Variants in BMPR1B observed in about 807,000 individuals in gnomAD.
The protein encoded by BMPR1B is bone morphogenetic protein receptor type 1B.
Under a neutral mutation model 59.1 loss-of-function variants are expected in BMPR1B, and 12 were observed. The observed-to-expected ratio is 0.20, with a 90% CI of 0.13 to 0.33. The LOEUF is 0.33. Among genes scored for constraint, BMPR1B ranks in the 10% least tolerant of loss-of-function variants. The pLI is 1.00. For missense variants in BMPR1B, 550 were observed against 610.9 expected (o/e 0.90, Z 1.05); for synonymous variants, 237 against 207.3 (o/e 1.14, Z -1.23).
intron 1 of BMPR1B, among the ~76,000 whole-genome samples, chr4:94,813,404 G>A (rs1200136506): frequency 4.6e-5 from 7 of 152,124 alleles, no homozygotes; most frequent in Non-Finnish European, 1.0e-4. Context: ...GGGGAAGGAA[G>A]TAGAGGAACA....
intron 1 of BMPR1B, among the ~76,000 whole-genome samples, chr4:94,839,945 G>A (rs995512324): frequency 1.1e-3 from 171 of 151,774 alleles, no homozygotes; most frequent in Non-Finnish European, 1.9e-3. Context: ...AGCTCTTTTA[G>A]GGCAGGCCTG....
intron 2 of BMPR1B, among the ~76,000 whole-genome samples, chr4:94,914,312 G>A (rs765110775): frequency 6.6e-6 from 1 of 152,144 alleles, no homozygotes; most frequent in African/African-American, 2.4e-5. Context: ...CCAGATTTAC[G>A]GGTGAAGCAA....
chr4:94,948,988 T>C (rs1366925082), intron 2 of BMPR1B, among the ~76,000 whole-genome samples: 1 of 152,178 alleles, frequency 6.6e-6, no homozygotes, highest in Non-Finnish European at 1.5e-5. Context: ...TTTTTTAAAA[T>C]TATACTTTAA....
Position 95,080,214 on chromosome 4 carries a change from T to TTATG in BMPR1B, c.-17-24175_-17-24172dup, listed in dbSNP as rs535176092. Among the ~76,000 whole-genome samples, 312 of 152,248 alleles carry TTATG rather than the reference T, an allele frequency of 2.0e-3. 1 individual carries two copies. The highest frequency in any genetic ancestry group is 6.5e-3 in the African/African-American group (268 of 41,542). ...ATGCCTTAGCTTATCTTAAAATATTTTATGTATGTATGTATGTATGTACAT... is the reference window on the plus strand; with the variant it reads ...ATGCCTTAGCTTATCTTAAAATATTTTATGTATGTATGTATGTATGTATGTACAT... On this transcript the variant is annotated intron_variant, in intron 3 of 12. Coordinates refer to ENST00000515059, the MANE Select transcript of BMPR1B (RefSeq NM_001203.3).
At chr4:94,788,774 G>A (rs17022227) in intron 1 of BMPR1B, among the ~76,000 whole-genome samples, 20,936 of 152,108 alleles carry the variant, frequency 0.14, 1,842 homozygotes, top group East Asian at 0.31. Flanking sequence ...TAATCTGAGC[G>A]ACAGAAGGAG....
At chr4:95,133,171 G>A (rs1733501226) in intron 10 of BMPR1B, among the ~76,000 whole-genome samples, 1 of 152,054 alleles carries the variant, frequency 6.6e-6, no homozygotes, top group South Asian at 2.1e-4. Flanking sequence ...GCCAGTGTGG[G>A]CCTTCTATAC....
chr4:94,859,348 A>G (rs1310108972), intron 1 of BMPR1B, among the ~76,000 whole-genome samples: 3 of 152,202 alleles, frequency 2.0e-5, no homozygotes, highest in Admixed American at 1.3e-4. Context: ...CATCTTTTCA[A>G]TTATCCAAGT....
intron 10 of BMPR1B, among the ~76,000 whole-genome samples, chr4:95,147,407 G>A (rs1734725730): frequency 6.6e-6 from 1 of 152,098 alleles, no homozygotes; most frequent in Non-Finnish European, 1.5e-5. Flanking sequence ...AAACCCAGAG[G>A]TTTTTGATTT....
intron 3 of BMPR1B, among the ~76,000 whole-genome samples, chr4:95,053,281 T>TTGTGTGTGTGTGTATG (rs1553931805): frequency 7.4e-6 from 1 of 134,252 alleles, no homozygotes; most frequent in Non-Finnish European, 1.6e-5. Flanking sequence ...TGCAGGGCAC[T>TTGTGTGTGTGTGTATG]TGTGTGTGTG....
At chr4:94,796,459 T>A (rs968192225) in intron 1 of BMPR1B, among the ~76,000 whole-genome samples, 6 of 152,210 alleles carry the variant, frequency 3.9e-5, no homozygotes, top group Admixed American at 2.6e-4. Flanking sequence ...GTGTTAATAT[T>A]GAACAAAATC....
intron 1 of BMPR1B, among the ~76,000 whole-genome samples, chr4:94,868,101 A>T (rs1488647698): frequency 6.6e-6 from 1 of 151,074 alleles, no homozygotes; most frequent in African/African-American, 2.4e-5. Flanking sequence ...GGGCTCAAGC[A>T]GTTCTCTTGC....
At chr4:95,103,610 A>G (rs1730977728) in intron 3 of BMPR1B, 1 of 479,620 alleles carries the variant, frequency 2.1e-6, no homozygotes, top group Non-Finnish European at 2.7e-6. Context: ...CATTTTAAGG[A>G]TAAGAACATG....
chr4:95,131,530 C>T lies in BMPR1B; in HGVS notation c.1076+18C>T, dbSNP rs376107447. 193 of 1,612,738 alleles carry T rather than the reference C, an allele frequency of 1.2e-4. No individual in the cohort carries two copies. Among genetic ancestry groups the T allele is most frequent in the Non-Finnish European group, 1.5e-4 (173 of 1,178,970 alleles). ...TTTATTAGGTTAGTATCAAAGTGAA[C>T]AAATACATGTTTTATGACTCTTTTC... is the stretch of plus-strand genomic sequence containing the variant. On this transcript the variant is annotated intron_variant, in intron 10 of 12. Transcript: ENST00000515059.
intron 3 of BMPR1B, among the ~76,000 whole-genome samples, chr4:95,035,737 T>A (rs1226321257): frequency 6.6e-6 from 1 of 152,202 alleles, no homozygotes; most frequent in Non-Finnish European, 1.5e-5. Flanking sequence ...TTGTTCTTTT[T>A]TCTTAGCCTT....
intron 1 of BMPR1B, among the ~76,000 whole-genome samples, chr4:94,815,778 A>G (rs1723987798): frequency 6.6e-6 from 1 of 152,192 alleles, no homozygotes; most frequent in African/African-American, 2.4e-5. Flanking sequence ...ACTAAATAAG[A>G]TGATACATTT....
At chr4:95,125,830 C>G (rs1165089007) in intron 8 of BMPR1B, among the ~76,000 whole-genome samples, 1 of 152,110 alleles carries the variant, frequency 6.6e-6, no homozygotes, top group Non-Finnish European at 1.5e-5. Context: ...GGTAAAATAT[C>G]CTAATACCCA....
intron 2 of BMPR1B, among the ~76,000 whole-genome samples, chr4:94,983,913 A>C (rs1721248797): frequency 6.6e-6 from 1 of 152,254 alleles, no homozygotes; most frequent in Non-Finnish European, 1.5e-5. Context: ...TGCCAGGCCC[A>C]TAACAGGTAC....
intron 3 of BMPR1B, among the ~76,000 whole-genome samples, chr4:95,071,878 A>C (rs761478582): frequency 5.3e-5 from 8 of 151,814 alleles, no homozygotes; most frequent in Non-Finnish European, 7.4e-5. Context: ...TTAACTGTTA[A>C]TTGGGGTTCT....
intron 1 of BMPR1B, among the ~76,000 whole-genome samples, chr4:94,819,331 G>A (rs892374377): frequency 4.6e-5 from 7 of 152,218 alleles, no homozygotes; most frequent in African/African-American, 1.4e-4. Flanking sequence ...TGTGGCATCC[G>A]ATTCTCTCAG....
Sources: allele counts gnomAD v4.1 joint callset (sites outside exome capture counted in the v4.1 genomes callset), GRCh38; gene constraint gnomAD v4.1.1; transcripts MANE v1.5; gene names NCBI Gene and HGNC (gene_info 2026-07-23, HGNC 2026-07-21).